Variants in CELF2 observed in about 807,000 individuals in gnomAD.
CELF2 encodes the protein CUGBP Elav-like family member 2.
In CELF2, 8 loss-of-function variants were observed where a neutral mutation model predicts 62.6. That is an observed-to-expected ratio of 0.13 (90% CI 0.07 to 0.23). CELF2 has a LOEUF of 0.23. Ranked by LOEUF, CELF2 falls within the 10% of genes least tolerant of loss-of-function variation. The probability of loss-of-function intolerance (pLI) is 1.00; values close to 1 mark genes in which losing one functional copy is unlikely to be tolerated. For synonymous variants in CELF2, 258 were observed against 250.0 expected (o/e 1.03, Z -0.30); for missense variants, 333 against 671.0 (o/e 0.50, Z 5.56).
the CELF2 span, among the ~76,000 whole-genome samples, chr10:10,586,546 G>A: frequency 6.6e-6 from 1 of 152,164 alleles, no homozygotes; most frequent in South Asian, 2.1e-4. Flanking sequence ...CCCCTTTGAA[G>A]CTTGTCATTT....
rs569665703 is a variant in CELF2, at chr10:11,131,688, A to G, written c.75-33798A>G. Among the ~76,000 whole-genome samples, 5 of 152,352 alleles carry G rather than the reference A, an allele frequency of 3.3e-5. No individual in the cohort carries two copies. The South Asian group carries it at 8.3e-4, about 25-fold the overall frequency. On this transcript the variant is annotated intron_variant, in intron 1 of 12. Transcript: ENST00000633077. ...GCAGTAGCCATGGGCTGCTGTTGCAATGACAGGGAGCTATAAACTGTGATC... is the reference window on the plus strand; with the variant it reads ...GCAGTAGCCATGGGCTGCTGTTGCAGTGACAGGGAGCTATAAACTGTGATC...
intron 1 of CELF2, among the ~76,000 whole-genome samples, chr10:11,099,080 G>A (rs1291699173): frequency 6.6e-6 from 1 of 152,178 alleles, no homozygotes; most frequent in Non-Finnish European, 1.5e-5. Context: ...GCCCCACACA[G>A]CGTCCCATCT....
chr10:10,474,471 G>T, the CELF2 span, among the ~76,000 whole-genome samples: 1 of 152,126 alleles, frequency 6.6e-6, no homozygotes, highest in South Asian at 2.1e-4. Context: ...AATGTCTATG[G>T]ATCAACAATT....
chr10:10,909,938 G>A (rs1028003722), intron 1 of CELF2, among the ~76,000 whole-genome samples: 2 of 152,226 alleles, frequency 1.3e-5, no homozygotes, highest in East Asian at 1.9e-4. Flanking sequence ...GTAGAAATGT[G>A]TGTTGAACAA....
At chr10:10,627,993 C>T in the CELF2 span, among the ~76,000 whole-genome samples, 1 of 152,188 alleles carries the variant, frequency 6.6e-6, no homozygotes, top group Non-Finnish European at 1.5e-5. Context: ...GCCTCTGCCT[C>T]CTGGGTTCAA....
intron 2 of CELF2, among the ~76,000 whole-genome samples, chr10:10,929,067 T>C (rs1352242726): frequency 6.6e-6 from 1 of 152,204 alleles, no homozygotes; most frequent in Non-Finnish European, 1.5e-5. Context: ...AGATGTATGA[T>C]TTCTGCCTTC....
At chr10:11,160,378 C>T (rs1234068537) in intron 1 of CELF2, among the ~76,000 whole-genome samples, 1 of 152,132 alleles carries the variant, frequency 6.6e-6, no homozygotes, top group African/African-American at 2.4e-5. Flanking sequence ...ATGGGGCTTT[C>T]CTGGCCCCAT....
chr10:11,034,663 T>A (rs2060672465), intron 1 of CELF2, among the ~76,000 whole-genome samples: 1 of 152,188 alleles, frequency 6.6e-6, no homozygotes, highest in Admixed American at 6.5e-5. Context: ...ATGTGGCAGT[T>A]CTTTCCCATT....
At chr10:10,951,125 C>T (rs537633857) in intron 2 of CELF2, among the ~76,000 whole-genome samples, 1 of 152,286 alleles carries the variant, frequency 6.6e-6, no homozygotes, top group Admixed American at 6.5e-5. Flanking sequence ...TCAAACCACT[C>T]GGAACTCAAC....
chr10:10,752,688 CAA>C, the CELF2 span, among the ~76,000 whole-genome samples: 5 of 58,980 alleles, frequency 8.5e-5, no homozygotes, highest in African/African-American at 2.2e-4. Flanking sequence ...GACTCCGTCT[CAA>C]AAAAAAAAAA....
At chr10:11,199,253 T>A (rs772032439) in intron 2 of CELF2, among the ~76,000 whole-genome samples, 30 of 152,234 alleles carry the variant, frequency 2.0e-4, no homozygotes, top group Admixed American at 5.2e-4. Context: ...TCACCTTGTT[T>A]CTGCGATGTT....
rs1191223347 is a variant in CELF2, at chr10:11,275,047, T to G, written c.778-10T>G. ...CCGTCTCCACTTTGCCCTTGTGTGT[T>G]CATCCGCAGCTCCTGCAGCAGGCCA... On this transcript the variant is annotated splice_polypyrimidine_tract_variant and intron_variant, in intron 7 of 12. Coordinates refer to ENST00000633077, the MANE Select transcript of CELF2 (RefSeq NM_001326342.2). 6.2e-7 allele frequency: 1 copy of G among 1,614,008 alleles called. No individual in the cohort carries two copies. The highest frequency in any genetic ancestry group is 1.1e-5 in the South Asian group (1 of 91,088).
Position 11,123,421 on chromosome 10 carries a change from T to C in CELF2, c.75-42065T>C, listed in dbSNP as rs577651099. 1.8e-4 allele frequency among the ~76,000 whole-genome samples: 28 copies of C among 152,216 alleles called. No homozygotes were observed. In the South Asian group the frequency reaches 4.6e-3, roughly 25 times the overall value. ...ACACGCCACCATCCCTGGCTAATTA[T>C]TTTATTTTTTGTAGAGACAGGGTCT... On this transcript the variant is annotated intron_variant, in intron 1 of 12. Transcript: ENST00000633077.
At chr10:11,288,673 T>TG (rs2091934724) in intron 9 of CELF2, 121 bp downstream of exon 9, 1 of 1,078,060 alleles carries the variant, frequency 9.3e-7, no homozygotes, top group Non-Finnish European at 1.3e-6. Flanking sequence ...GATACTATAC[T>TG]GGGCTGCTTT....
the CELF2 span, among the ~76,000 whole-genome samples, chr10:10,727,567 G>C: frequency 2.0e-5 from 3 of 152,142 alleles, no homozygotes; most frequent in African/African-American, 4.8e-5. Context: ...ATGAGGTCGG[G>C]AGATCGAGAC....
At chr10:10,807,766 T>C (rs1178715159) in intron 1 of CELF2, among the ~76,000 whole-genome samples, 1 of 152,202 alleles carries the variant, frequency 6.6e-6, no homozygotes, top group Non-Finnish European at 1.5e-5. Flanking sequence ...CCTTATCACT[T>C]TACCAAGTCC....
At position 11,211,813 on chromosome 10, in the gene CELF2, A is replaced by AGAGAGTGCGT. The variant is rs1373283373; in HGVS notation, c.272-5611_272-5610insAGAGTGCGTG. On this transcript the variant is annotated intron_variant, in intron 2 of 12. Coordinates refer to ENST00000633077, the MANE Select transcript of CELF2 (RefSeq NM_001326342.2). This position sits in a 1 kb window ranked among gnomAD's most constrained non-coding sequence, Gnocchi z 4.8. ...GTGTGAGAGAGAGAGAGAGAGAGAGAGTGTGTGTGTGTGTGTGTGTGTGTG... is the reference window on the plus strand; with the variant it reads ...GTGTGAGAGAGAGAGAGAGAGAGAGAGAGAGTGCGTGTGTGTGTGTGTGTGTGTGTGTGTG... Among the ~76,000 whole-genome samples the AGAGAGTGCGT allele has an allele frequency of 2.2e-5, 2 of 89,256 alleles. No individual in the cohort carries two copies. The highest frequency in any genetic ancestry group is 9.5e-5 in the African/African-American group (2 of 21,122). 58.6% of individuals were successfully genotyped at this position (89,256 alleles called of 152,430 possible). A position where few individuals can be genotyped will look rare whatever the true frequency, so the allele number is the denominator to read the frequency against.
At chr10:10,659,540 G>A in the CELF2 span, among the ~76,000 whole-genome samples, 2 of 152,068 alleles carry the variant, frequency 1.3e-5, no homozygotes, top group African/African-American at 4.8e-5. Context: ...AGTGAGGAAG[G>A]AATCCATCTT....
At chr10:10,474,670 C>T in the CELF2 span, among the ~76,000 whole-genome samples, 30,311 of 152,022 alleles carry the variant, frequency 0.2, 3,164 homozygotes, top group East Asian at 0.28. Context: ...TAGTCACCCC[C>T]TGCTGTGGGG....
Sources: allele counts gnomAD v4.1 joint callset (sites outside exome capture counted in the v4.1 genomes callset), GRCh38; gene constraint gnomAD v4.1.1; non-coding constraint Gnocchi (gnomAD v3.1); transcripts MANE v1.5; gene names NCBI Gene and HGNC (gene_info 2026-07-23, HGNC 2026-07-21).